The following TXNDC16 variants were observed in gnomAD, a reference collection of about 807,000 sequenced individuals.
TXNDC16 encodes the protein thioredoxin domain containing 16, also known as thioredoxin domain-containing protein 16.
TXNDC16 carries 74 observed loss-of-function variants against 85.6 expected under a neutral mutation model. That is an observed-to-expected ratio of 0.86 (90% CI 0.72 to 1.05). The LOEUF is 1.05. Among genes scored for constraint, TXNDC16 ranks in the 50% least tolerant of loss-of-function variants. The pLI, the probability that TXNDC16 is intolerant of heterozygous loss-of-function variation, is 0.00. For synonymous variants in TXNDC16, 335 were observed against 326.5 expected, an observed-to-expected ratio of 1.03 and a Z score of -0.28; for missense variants, 959 against 947.0, an observed-to-expected ratio of 1.01 and a Z score of -0.17.
chr14:52,432,392 A>C lies in TXNDC16; in HGVS notation c.2390T>G (p.Ile797Arg), dbSNP rs201349357. ...CCAATTACTTCTATTCCAATGCTTT[A>C]TTCTCAGAGTTTCAATCGGTTCTTT... ...VRKEPIETLR[I>R]KHWNRSNWFK... Residue 797 changes from isoleucine (I) to arginine (R), a missense_variant, in exon 21 of 21, where the codon ATA becomes AGA. By Grantham distance (97) the Ile-to-Arg change is moderately conservative. Transcript: ENST00000281741. 5.8e-4 allele frequency: 940 copies of C among 1,613,982 alleles called. No individual in the cohort carries two copies. The highest frequency in any genetic ancestry group is 5.3e-4 in the Non-Finnish European group (626 of 1,179,952).
intron 4 of TXNDC16, among the ~76,000 whole-genome samples, chr14:52,538,203 C>A (rs2037746646): frequency 6.6e-6 from 1 of 152,194 alleles, no homozygotes; most frequent in Non-Finnish European, 1.5e-5. Flanking sequence ...TAAAAGTGGG[C>A]TGACTGATAC....
chr14:52,493,215 A>ATATATATATATATATATATATATATAT (rs761008122), intron 9 of TXNDC16, among the ~76,000 whole-genome samples: 22 of 120,978 alleles, frequency 1.8e-4, no homozygotes, highest in East Asian at 5.4e-4. Flanking sequence ...ATATATATAT[A>ATATATATATATATATATATATATATAT]TACACACACA....
At chr14:52,468,778 G>A (rs1344067199) in intron 16 of TXNDC16, among the ~76,000 whole-genome samples, 1 of 151,980 alleles carries the variant, frequency 6.6e-6, no homozygotes, top group Non-Finnish European at 1.5e-5. Flanking sequence ...TCAGGAGGCT[G>A]AGGTGGGAGG....
chr14:52,470,759 T>A, intron 14 of TXNDC16, 79 bp from the exon 15 acceptor site: 1 of 1,360,452 alleles, frequency 7.4e-7, no homozygotes, highest in South Asian at 1.5e-5. Context: ...TATTTTTCTA[T>A]CCCATTCTTA....
chr14:52,449,306 A>T (rs1269253974), intron 18 of TXNDC16, among the ~76,000 whole-genome samples: 1 of 152,170 alleles, frequency 6.6e-6, no homozygotes, highest in Non-Finnish European at 1.5e-5. Context: ...TTATACTGAT[A>T]TCAGACAAAA....
At chr14:52,542,924 A>G (rs962948716) in intron 3 of TXNDC16, among the ~76,000 whole-genome samples, 2 of 152,202 alleles carry the variant, frequency 1.3e-5, no homozygotes, top group Non-Finnish European at 2.9e-5. Flanking sequence ...TATTAAAAAA[A>G]TTATTAGTTA....
intron 19 of TXNDC16, 84 bp downstream of exon 19, chr14:52,440,480 T>G: frequency 8.4e-7 from 1 of 1,186,462 alleles, no homozygotes; most frequent in Non-Finnish European, 1.1e-6. Context: ...CTCCAAAGAG[T>G]TAGAGAGTTT....
At chr14:52,499,252 T>G (rs182822154) in intron 9 of TXNDC16, among the ~76,000 whole-genome samples, 17 of 152,194 alleles carry the variant, frequency 1.1e-4, no homozygotes, top group Non-Finnish European at 1.8e-4. Flanking sequence ...TTTCATGACA[T>G]TGAAATGGGC....
chr14:52,437,777 A>G (rs1594677079), intron 20 of TXNDC16, among the ~76,000 whole-genome samples: 1 of 152,360 alleles, frequency 6.6e-6, no homozygotes, highest in Non-Finnish European at 1.5e-5. Context: ...ACACTTCTGA[A>G]AAGAAGACAT....
chr14:52,435,335 T>C (rs1002762382), intron 20 of TXNDC16, among the ~76,000 whole-genome samples: 1 of 150,902 alleles, frequency 6.6e-6, no homozygotes, highest in Non-Finnish European at 1.5e-5. Flanking sequence ...TTACAGTCCA[T>C]GGGAACTCTG....
chr14:52,454,928 T>G (rs2035497402), intron 18 of TXNDC16, among the ~76,000 whole-genome samples: 1 of 152,210 alleles, frequency 6.6e-6, no homozygotes, highest in African/African-American at 2.4e-5. Flanking sequence ...AATAACTGTC[T>G]GCAGCAGATG....
intron 20 of TXNDC16, among the ~76,000 whole-genome samples, chr14:52,434,315 C>T (rs147746352): frequency 1.3e-3 from 194 of 152,338 alleles, no homozygotes; most frequent in African/African-American, 4.6e-3. Flanking sequence ...TGAAACATCC[C>T]AATTCTGCTA....
chr14:52,436,044 T>C (rs2035019072), intron 20 of TXNDC16, among the ~76,000 whole-genome samples: 1 of 152,114 alleles, frequency 6.6e-6, no homozygotes, highest in Admixed American at 6.6e-5. Flanking sequence ...AATTTCCCAA[T>C]TTTAAAATCT....
At chr14:52,501,954 A>G (rs1336800686) in intron 9 of TXNDC16, among the ~76,000 whole-genome samples, 2 of 152,202 alleles carry the variant, frequency 1.3e-5, no homozygotes, top group East Asian at 1.9e-4. Context: ...CCACCCGCCA[A>G]TAGTCTCAAG....
intron 1 of TXNDC16, among the ~76,000 whole-genome samples, chr14:52,551,189 A>G (rs1436688226): frequency 6.6e-6 from 1 of 152,150 alleles, no homozygotes; most frequent in East Asian, 1.9e-4. Flanking sequence ...CCCAGAATCT[A>G]CAAAATAGAC....
intron 1 of TXNDC16, among the ~76,000 whole-genome samples, chr14:52,545,061 T>C (rs1296247487): frequency 1.3e-5 from 2 of 152,160 alleles, no homozygotes; most frequent in Non-Finnish European, 2.9e-5. Context: ...AATAACTATG[T>C]AACATTCATT....
chr14:52,539,482 C>T (rs938319464), intron 4 of TXNDC16, among the ~76,000 whole-genome samples: 10 of 152,160 alleles, frequency 6.6e-5, no homozygotes, highest in Admixed American at 3.9e-4. Context: ...GTCCACAACA[C>T]TCAAAAGTTT....
chr14:52,455,689 C>T (rs1313498022), intron 17 of TXNDC16, among the ~76,000 whole-genome samples: 1 of 152,016 alleles, frequency 6.6e-6, no homozygotes, highest in African/African-American at 2.4e-5. Flanking sequence ...AGCAACAAGG[C>T]AGTAATCTAG....
chr14:52,445,994 T>C (rs1050873553), intron 18 of TXNDC16, among the ~76,000 whole-genome samples: 14 of 151,806 alleles, frequency 9.2e-5, no homozygotes, highest in African/African-American at 3.4e-4. Context: ...AATAGGAGAG[T>C]GAAGCAAGAT....
Sources: allele counts gnomAD v4.1 joint callset (sites outside exome capture counted in the v4.1 genomes callset), GRCh38; gene constraint gnomAD v4.1.1; transcripts MANE v1.5; gene names NCBI Gene and HGNC (gene_info 2026-07-23, HGNC 2026-07-21).